Variants in CCSER1 observed in about 807,000 individuals in gnomAD.
CCSER1 encodes the protein serine-rich coiled-coil domain-containing protein 1.
CCSER1 carries 41 observed loss-of-function variants against 82.0 expected under a neutral mutation model. The ratio of observed to expected loss-of-function variants is 0.50; its 90% CI spans 0.39 to 0.65. The LOEUF (loss-of-function observed/expected upper bound fraction) is 0.65. CCSER1 is among the 30% of genes least tolerant of loss of function. CCSER1 has a pLI of 0.00. For missense variants in CCSER1, 1,119 were observed against 1,064.2 expected, an observed-to-expected ratio of 1.05 and a Z score of -0.72; for synonymous variants, 414 against 383.9, an observed-to-expected ratio of 1.08 and a Z score of -0.92.
intron 8 of CCSER1, among the ~76,000 whole-genome samples, chr4:90,892,513 T>C (rs915554784): frequency 1.3e-5 from 2 of 152,036 alleles, no homozygotes; most frequent in East Asian, 1.9e-4. Context: ...CTGTGGAACA[T>C]TATACATACA....
intron 7 of CCSER1, among the ~76,000 whole-genome samples, chr4:90,792,350 T>C (rs17017583): frequency 0.2 from 30,681 of 152,202 alleles, 3,493 homozygotes; most frequent in East Asian, 0.28. Context: ...CTTTTCTCTC[T>C]AGTTTTTACT....
intron 5 of CCSER1, among the ~76,000 whole-genome samples, chr4:90,514,077 A>T (rs1771920428): frequency 6.6e-6 from 1 of 152,138 alleles, no homozygotes; most frequent in South Asian, 2.1e-4. Context: ...AACATTTACA[A>T]AGGAGAAGTT....
At chr4:91,247,740 G>C (rs752399595) in intron 10 of CCSER1, among the ~76,000 whole-genome samples, 2 of 152,094 alleles carry the variant, frequency 1.3e-5, no homozygotes, top group Non-Finnish European at 2.9e-5. Context: ...GTGGTGGTGC[G>C]TGTCTGCAGT....
At chr4:91,141,618 A>T (rs1174909194) in intron 10 of CCSER1, among the ~76,000 whole-genome samples, 3 of 151,570 alleles carry the variant, frequency 2.0e-5, no homozygotes, top group Non-Finnish European at 2.9e-5. Flanking sequence ...TGGTAGAACA[A>T]TTTTTTTTTC....
intron 10 of CCSER1, among the ~76,000 whole-genome samples, chr4:91,589,554 G>T: frequency 6.9e-6 from 1 of 145,322 alleles, no homozygotes. Flanking sequence ...TTGGGCAGCA[G>T]GGTGTCTAGA....
At chr4:90,637,189 A>T (rs568914878) in intron 6 of CCSER1, among the ~76,000 whole-genome samples, 34 of 152,268 alleles carry the variant, frequency 2.2e-4, no homozygotes, top group African/African-American at 7.2e-4. Context: ...TCTTGGCTAA[A>T]CTTGAAGATC....
chr4:90,499,139 T>A (rs1769457252), intron 5 of CCSER1, among the ~76,000 whole-genome samples: 1 of 152,030 alleles, frequency 6.6e-6, no homozygotes, highest in Non-Finnish European at 1.5e-5. Context: ...TGTGCATATG[T>A]GTGTGTTTGT....
chr4:91,385,386 A>C (rs1016856196), intron 10 of CCSER1, among the ~76,000 whole-genome samples: 2 of 152,058 alleles, frequency 1.3e-5, no homozygotes, highest in African/African-American at 4.8e-5. Context: ...ATACCAACTT[A>C]TCTGAATAAA....
At chr4:90,154,004 G>C (rs1245758841) in intron 1 of CCSER1, among the ~76,000 whole-genome samples, 2 of 152,104 alleles carry the variant, frequency 1.3e-5, no homozygotes, top group Non-Finnish European at 2.9e-5. Context: ...GGTTTTTAAG[G>C]TTTTAGGTCT....
chr4:90,357,889 A>G (rs1462317936), intron 3 of CCSER1, among the ~76,000 whole-genome samples: 2 of 152,054 alleles, frequency 1.3e-5, no homozygotes, highest in South Asian at 4.1e-4. Flanking sequence ...ACTGAAAGCA[A>G]ATCTCACAAA....
intron 3 of CCSER1, among the ~76,000 whole-genome samples, chr4:90,360,500 C>T (rs1745189029): frequency 1.4e-5 from 2 of 139,944 alleles, no homozygotes; most frequent in African/African-American, 2.6e-5. Context: ...GGTGTGAACC[C>T]GGGAGGCAGA....
chr4:90,338,891 A>G (rs984396358), intron 3 of CCSER1, among the ~76,000 whole-genome samples: 1 of 152,168 alleles, frequency 6.6e-6, no homozygotes, highest in Non-Finnish European at 1.5e-5. Flanking sequence ...GCAATAAAAT[A>G]AGTAAGTCCT....
chr4:91,124,071 T>A (rs1190457927), intron 10 of CCSER1, among the ~76,000 whole-genome samples: 2 of 151,802 alleles, frequency 1.3e-5, no homozygotes, highest in Non-Finnish European at 3.0e-5. Flanking sequence ...ATGACCCCTG[T>A]GGATTTTATT....
chr4:90,981,701 AC>A (rs1158795447), intron 9 of CCSER1, among the ~76,000 whole-genome samples: 3 of 151,820 alleles, frequency 2.0e-5, no homozygotes, highest in Non-Finnish European at 4.4e-5. Context: ...TTGATGGGGA[AC>A]CCAAGTTCAA....
At chr4:90,715,330 A>C (rs942608316) in intron 6 of CCSER1, among the ~76,000 whole-genome samples, 3 of 152,000 alleles carry the variant, frequency 2.0e-5, no homozygotes, top group African/African-American at 7.2e-5. Flanking sequence ...ACTAAGGACC[A>C]ATTTCTGATT....
intron 10 of CCSER1, among the ~76,000 whole-genome samples, chr4:91,182,396 T>A (rs1296271307): frequency 1.3e-5 from 2 of 152,242 alleles, no homozygotes; most frequent in Non-Finnish European, 2.9e-5. Context: ...TTGGTTTCTG[T>A]ACGTGCTGTA....
chr4:90,330,880 T>A (rs1408230658), intron 3 of CCSER1, among the ~76,000 whole-genome samples: 1 of 152,136 alleles, frequency 6.6e-6, no homozygotes, highest in Admixed American at 6.5e-5. Flanking sequence ...TGCAGTGGGG[T>A]TGAACATAAA....
At chr4:90,347,398 G>A (rs1262068336) in intron 3 of CCSER1, among the ~76,000 whole-genome samples, 3 of 151,972 alleles carry the variant, frequency 2.0e-5, no homozygotes, top group Non-Finnish European at 4.4e-5. Flanking sequence ...TTACCTAATA[G>A]GGACTATCTC....
intron 5 of CCSER1, among the ~76,000 whole-genome samples, chr4:90,551,706 CTATA>C (rs1553940962): frequency 0.015 from 1,567 of 104,224 alleles, 47 homozygotes; most frequent in African/African-American, 0.059. Context: ...CTCTCTCTCT[CTATA>C]TATATATATA....
Sources: gnomAD v4.1 joint callset for allele counts (sites outside exome capture counted in the v4.1 genomes callset) on GRCh38, gnomAD v4.1.1 for gene constraint, MANE v1.5 for transcripts, NCBI Gene and HGNC (gene_info 2026-07-23, HGNC 2026-07-21) for gene names.